Variants in PDZD2 observed in about 807,000 individuals in gnomAD.
PDZD2 encodes PDZ domain containing 2.
Under a neutral mutation model 220.7 loss-of-function variants are expected in PDZD2, and 90 were observed. The ratio of observed to expected loss-of-function variants is 0.41; its 90% CI spans 0.34 to 0.49. PDZD2 has a LOEUF of 0.49. Among genes scored for constraint, PDZD2 ranks in the 20% least tolerant of loss-of-function variants. The pLI is 0.28. For missense variants in PDZD2, 3,174 were observed against 3,608.5 expected, an observed-to-expected ratio of 0.88 and a Z score of 3.08; for synonymous variants, 1,375 against 1,450.5, an observed-to-expected ratio of 0.95 and a Z score of 1.18.
At position 31,799,624 on chromosome 5, in the gene PDZD2, A is replaced by G. The variant is rs1358597935; in HGVS notation, c.376A>G (p.Lys126Glu). 1 of 1,614,102 alleles carries G rather than the reference A, an allele frequency of 6.2e-7. No homozygotes were observed. Among genetic ancestry groups the G allele is most frequent in the Non-Finnish European group, 8.5e-7 (1 of 1,180,002 alleles). The part of the protein sequence containing the change: ...VGCIWVTELR[K>E]NSPAGKSGKV... ...CTGCATCTGGGTGACAGAGCTGAGG[A>G]AGAACAGCCCAGCAGGGAAGAGTGG... The change falls in exon 2 of 25, where the codon AAG becomes GAG. Residue 126 changes from lysine to glutamate, a missense_variant. Physicochemically the swap from Lys to Glu is moderately conservative, Grantham distance 56. This residue lies in a region of PDZD2 where 632 missense variants were observed against 708.1 expected (regional missense o/e 0.89). Transcript: ENST00000438447.
chr5:32,087,435 A>C lies in PDZD2; in HGVS notation c.3987A>C (p.Gly1329=), dbSNP rs546730490. The part of the protein sequence containing the change: ...RVAALRGAGP[G]AEGMTPAGAV... ...CTGCCCTCAGGGGAGCGGGACCTGG[A>C]GCAGAGGGAATGACACCAGCTGGTG... Residue 1329 remains glycine, a synonymous_variant, in exon 20 of 25, where the codon GGA becomes GGC. Transcript: ENST00000438447. This position sits in a 1 kb window ranked among gnomAD's most constrained non-coding sequence, Gnocchi z 4.0. The C allele has an allele frequency of 8.1e-5, 131 of 1,614,106 alleles. 2 individuals carry two copies. In the South Asian group the frequency reaches 1.4e-3, roughly 17 times the overall value.
chr5:31,862,640 A>G (rs1190248108), intron 2 of PDZD2, among the ~76,000 whole-genome samples: 1 of 150,656 alleles, frequency 6.6e-6, no homozygotes, highest in African/African-American at 2.4e-5. Context: ...GGCTCACTGC[A>G]ACCTCTGCCT....
chr5:32,086,941 C>T (rs245155), intron 19 of PDZD2, among the ~76,000 whole-genome samples, 190 bp from the exon 20 acceptor site: 1 of 150,484 alleles, frequency 6.6e-6, no homozygotes, highest in East Asian at 2.0e-4. Flanking sequence ...CACCCGCCTC[C>T]GCCTCCCAAA....
intron 2 of PDZD2, among the ~76,000 whole-genome samples, chr5:31,950,554 A>C (rs972562495): frequency 2.6e-5 from 4 of 152,184 alleles, no homozygotes; most frequent in African/African-American, 9.7e-5. Flanking sequence ...TTTACTCTTC[A>C]TCATGATAAA....
chr5:31,996,482 G>A (rs1001003134), intron 4 of PDZD2, among the ~76,000 whole-genome samples: 4 of 152,172 alleles, frequency 2.6e-5, no homozygotes, highest in Middle Eastern at 3.4e-3. Context: ...AGGCTGAGGC[G>A]GATCACCTGA....
At chr5:32,093,396 G>T (rs1319853283) in intron 21 of PDZD2, among the ~76,000 whole-genome samples, 1 of 152,132 alleles carries the variant, frequency 6.6e-6, no homozygotes, top group Non-Finnish European at 1.5e-5. Flanking sequence ...ACTAGTCAAG[G>T]GAGCCACCTG....
At chr5:31,917,819 T>C (rs1743824644) in intron 2 of PDZD2, among the ~76,000 whole-genome samples, 1 of 152,192 alleles carries the variant, frequency 6.6e-6, no homozygotes, top group African/African-American at 2.4e-5. Flanking sequence ...CTCGGCTCAC[T>C]GCAGCCTCTG....
In PDZD2 at chr5:32,091,180, G is replaced by A; in HGVS notation, c.7727+5G>A. ...TAGAAGAAGCTGGTCAGTTAAGTAA[G>A]TATCTGCCCACTACTTTTATTTCAG... On this transcript the variant is annotated splice_donor_5th_base_variant and intron_variant, in intron 20 of 24. Transcript: ENST00000438447. 1 of 1,525,700 alleles carries A rather than the reference G, an allele frequency of 6.6e-7. No homozygotes were observed. Among genetic ancestry groups the A allele is most frequent in the East Asian group, 2.3e-5 (1 of 43,616 alleles). The allele number at this position is 1,525,700 out of a possible 1,614,324, so 94.5% of individuals were successfully genotyped here.
At chr5:31,998,700 T>C in intron 4 of PDZD2, among the ~76,000 whole-genome samples, 1 of 152,242 alleles carries the variant, frequency 6.6e-6, no homozygotes, top group Non-Finnish European at 1.5e-5. Context: ...GGGCTACACA[T>C]AAACTACATT....
intron 3 of PDZD2, among the ~76,000 whole-genome samples, chr5:31,986,538 A>G (rs1424523247): frequency 6.6e-6 from 1 of 151,762 alleles, no homozygotes; most frequent in African/African-American, 2.4e-5. Flanking sequence ...ACCTTCATAC[A>G]AGATTGTTTA....
chr5:31,888,700 T>A (rs997020147), intron 2 of PDZD2, among the ~76,000 whole-genome samples: 1 of 152,182 alleles, frequency 6.6e-6, no homozygotes, highest in African/African-American at 2.4e-5. Flanking sequence ...AATAACCAAC[T>A]GTTGAGGATG....
intron 2 of PDZD2, among the ~76,000 whole-genome samples, chr5:31,954,010 G>T (rs1486575082): frequency 6.6e-6 from 1 of 152,048 alleles, no homozygotes; most frequent in African/African-American, 2.4e-5. Flanking sequence ...TAGCTGCTCT[G>T]GAGGCGGAGA....
chr5:32,011,566 T>A (rs1410624206), intron 6 of PDZD2, among the ~76,000 whole-genome samples: 2 of 152,050 alleles, frequency 1.3e-5, no homozygotes, highest in African/African-American at 4.8e-5. Flanking sequence ...GATGTGTCAT[T>A]TTTAGTGTGA....
chr5:31,709,928 C>T (rs1013892489), intron 1 of PDZD2, among the ~76,000 whole-genome samples: 1 of 152,224 alleles, frequency 6.6e-6, no homozygotes, highest in African/African-American at 2.4e-5. Context: ...TGCACTTCAG[C>T]CTGGGCAACA....
At chr5:31,850,176 A>G (rs533351197) in intron 2 of PDZD2, among the ~76,000 whole-genome samples, 11 of 127,820 alleles carry the variant, frequency 8.6e-5, no homozygotes, top group East Asian at 2.0e-4. Context: ...ATATATAAGT[A>G]TATATATAAG....
At position 32,089,345 on chromosome 5, in the gene PDZD2, C is replaced by A; in HGVS notation, c.5897C>A (p.Thr1966Asn). ...CTGGAAAGCAAGCCACCTCTTGCCA[C>A]CTCTGGGCCACTGAAACCCTCAGTG... ...CVLESKPPLA[T>N]SGPLKPSVSD... Residue 1966 changes from threonine (T) to asparagine (N), a missense_variant, in exon 20 of 25, where the codon ACC (threonine) becomes AAC (asparagine). By Grantham distance (65) the Thr-to-Asn change is moderately conservative. Around this residue, in one of 4 missense-constraint regions of PDZD2, gnomAD observed 1,861 missense variants for 2,001.0 expected, o/e 0.93. Coordinates refer to ENST00000438447, the MANE Select transcript of PDZD2 (RefSeq NM_178140.4). 1 of 1,614,174 alleles carries A rather than the reference C, an allele frequency of 6.2e-7. No homozygotes were observed. Among genetic ancestry groups the A allele is most frequent in the Non-Finnish European group, 8.5e-7 (1 of 1,180,032 alleles).
rs982962918 is a variant in PDZD2, at chr5:32,108,902, A to AATTAAAT, written c.*768_*769insTTAAATA. ...AATAGCACTTCTGATAAGCTGTATT[A>AATTAAAT]AATAGCCATGAGCTTCACTGCTTAG... is the stretch of plus-strand genomic sequence containing the variant. On this transcript the variant is annotated 3_prime_UTR_variant, in exon 25 of 25. Transcript: ENST00000438447. 4 of 152,668 alleles carry AATTAAAT rather than the reference A, an allele frequency of 2.6e-5. No homozygotes were observed. Among genetic ancestry groups the AATTAAAT allele is most frequent in the African/African-American group, 9.6e-5 (4 of 41,466 alleles). 9.5% of individuals were successfully genotyped at this position (152,668 alleles called of 1,614,324 possible).
chr5:32,041,486 C>G (rs1349601031), intron 7 of PDZD2, among the ~76,000 whole-genome samples: 1 of 152,138 alleles, frequency 6.6e-6, no homozygotes, highest in Non-Finnish European at 1.5e-5. Context: ...CCATTTTGTT[C>G]TGTACTAAGA....
At chr5:31,736,102 A>T (rs912518023) in intron 1 of PDZD2, among the ~76,000 whole-genome samples, 5 of 152,236 alleles carry the variant, frequency 3.3e-5, no homozygotes, top group Non-Finnish European at 7.3e-5. Flanking sequence ...TGCTAACAGT[A>T]TCTTGTGTTT....
Sources: gnomAD v4.1 joint callset for allele counts (sites outside exome capture counted in the v4.1 genomes callset) on GRCh38, gnomAD v4.1.1 for gene constraint, gnomAD v4.1.1 regional missense constraint, Gnocchi (gnomAD v3.1) non-coding constraint, MANE v1.5 for transcripts, NCBI Gene and HGNC (gene_info 2026-07-23, HGNC 2026-07-21) for gene names.